Variants in TG observed in about 807,000 individuals in gnomAD.
TG encodes the protein thyroid hormones.
In TG, 270 loss-of-function variants were observed where a neutral mutation model predicts 324.7. The ratio of observed to expected loss-of-function variants is 0.83; its 90% CI spans 0.75 to 0.92. The LOEUF (loss-of-function observed/expected upper bound fraction) is 0.92, where lower values mean the gene tolerates loss of function less well. TG is among the 40% of genes least tolerant of loss of function. The pLI is 0.00. For missense variants in TG, 3,591 were observed against 3,456.4 expected (o/e 1.04, Z -0.98); for synonymous variants, 1,401 against 1,327.0 (o/e 1.06, Z -1.21).
At chr8:133,083,616 A>G (rs1252203208) in intron 41 of TG, among the ~76,000 whole-genome samples, 4 of 152,206 alleles carry the variant, frequency 2.6e-5, no homozygotes, top group Admixed American at 6.5e-5. Flanking sequence ...AATGAAGCCA[A>G]TTATCAAGTT....
Position 132,988,597 on chromosome 8 carries a change from C to T in TG, c.6262+5185C>T, listed in dbSNP as rs189498647. On this transcript the variant is annotated intron_variant, in intron 35 of 47. Coordinates refer to ENST00000220616, the MANE Select transcript of TG (RefSeq NM_003235.5). ...GAGAAAGTGAGGACAATTATATCAA[C>T]GGTGTATAGTGTATAGTTGTACTCT... 129 of 511,450 alleles carry T rather than the reference C, an allele frequency of 2.5e-4. 1 individual carries two copies. Among genetic ancestry groups the T allele is most frequent in the African/African-American group, 6.2e-4 (30 of 48,120 alleles). The allele number at this position is 511,450 out of a possible 1,614,324, so 31.7% of individuals were successfully genotyped here. A position where few individuals can be genotyped will look rare whatever the true frequency, so the allele number is the denominator to read the frequency against.
intron 35 of TG, among the ~76,000 whole-genome samples, chr8:132,996,513 A>G (rs1384942707): frequency 1.3e-5 from 2 of 151,394 alleles, no homozygotes; most frequent in African/African-American, 4.9e-5. Flanking sequence ...AATGCAAACT[A>G]CAACTACATT....
intron 20 of TG, among the ~76,000 whole-genome samples, chr8:132,917,748 G>A (rs1820550211): frequency 6.6e-6 from 1 of 152,070 alleles, no homozygotes; most frequent in Non-Finnish European, 1.5e-5. Context: ...CAGAAATGCG[G>A]CTGTCAATGT....
At position 133,054,584 on chromosome 8, in the gene TG, G is replaced by A. The variant is rs777234822; in HGVS notation, c.7239+24561G>A. On this transcript the variant is annotated intron_variant, in intron 41 of 47. Transcript: ENST00000220616. Reference sequence around the variant, plus strand: ...AGCTAATATTATTTTCATGGAGAGCGGGGTCACCAGACCATAACTCAAGAC... The same window carrying A: ...AGCTAATATTATTTTCATGGAGAGCAGGGTCACCAGACCATAACTCAAGAC... 1.1e-4 allele frequency among the ~76,000 whole-genome samples: 16 copies of A among 152,086 alleles called. 1 individual carries two copies. Among genetic ancestry groups the A allele is most frequent in the Middle Eastern group, 6.3e-3 (2 of 316 alleles).
At chr8:133,133,017 G>A (rs895663393) in intron 46 of TG, among the ~76,000 whole-genome samples, 1 of 152,196 alleles carries the variant, frequency 6.6e-6, no homozygotes, top group African/African-American at 2.4e-5. Context: ...CAGCAAGTTT[G>A]GGAAGGAGCC....
intron 10 of TG, among the ~76,000 whole-genome samples, chr8:132,889,943 A>G (rs929181622): frequency 6.7e-6 from 1 of 148,732 alleles, no homozygotes; most frequent in African/African-American, 2.5e-5. Context: ...CACCCAGCTA[A>G]TTTTTTTTTT....
chr8:132,916,044 T>G (rs1182771382), intron 20 of TG, among the ~76,000 whole-genome samples: 1 of 152,144 alleles, frequency 6.6e-6, no homozygotes, highest in Non-Finnish European at 1.5e-5. Context: ...TGTTATTAAT[T>G]CCATCTTATG....
At position 132,923,473 on chromosome 8, in the gene TG, A is replaced by C; in HGVS notation, c.4664A>C (p.Glu1555Ala). ...GAGGGGCGGAGGCTGCCATGGTGGG[A>C]AACAGAGGCCCCTCTTGAGGACTCA... The part of the protein sequence containing the change: ...DGEGRRLPWW[E>A]TEAPLEDSQC... The change falls in exon 22 of 48, where the codon GAA becomes GCA. Residue 1555 changes from glutamate to alanine, a missense_variant. Physicochemically the swap from Glu to Ala is moderately radical, Grantham distance 107. Coordinates refer to ENST00000220616, the MANE Select transcript of TG (RefSeq NM_003235.5). 6.2e-7 allele frequency: 1 copy of C among 1,613,966 alleles called. No individual in the cohort carries two copies. The highest frequency in any genetic ancestry group is 8.5e-7 in the Non-Finnish European group (1 of 1,179,928).
At position 133,019,689 on chromosome 8, in the gene TG, G is replaced by A; in HGVS notation, c.6870G>A (p.Gln2290=). Residue 2290 remains glutamine (Q), a synonymous_variant, in exon 39 of 48, where the codon CAG becomes CAA. Transcript: ENST00000220616. ...TGTATCTCAATGTGTTCATCCCTCA[G>A]AATGTGGTGAGTTCAAAAGCACTTG... The part of the protein sequence containing the change: ...DCLYLNVFIP[Q]NVAPNASVLV... 1.2e-6 allele frequency: 2 copies of A among 1,612,836 alleles called. No individual in the cohort carries two copies. Among genetic ancestry groups the A allele is most frequent in the Non-Finnish European group, 1.7e-6 (2 of 1,179,224 alleles).
chr8:132,882,711 A>C (rs1037467288), intron 7 of TG, 99 bp downstream of exon 7: 23 of 1,611,548 alleles, frequency 1.4e-5, no homozygotes, highest in Non-Finnish European at 2.0e-5. Context: ...CACCAAAGTG[A>C]GGGCAGAGAT....
chr8:133,035,977 C>T (rs931705412), intron 41 of TG, among the ~76,000 whole-genome samples: 2 of 152,180 alleles, frequency 1.3e-5, no homozygotes, highest in African/African-American at 4.8e-5. Context: ...CAGGACCTTC[C>T]TGATACCTCC....
chr8:133,118,260 G>A (rs1850857704), intron 45 of TG, among the ~76,000 whole-genome samples: 1 of 150,820 alleles, frequency 6.6e-6, no homozygotes, highest in Non-Finnish European at 1.5e-5. Flanking sequence ...GGGAAAGAAA[G>A]GGCATTCTCA....
intron 41 of TG, among the ~76,000 whole-genome samples, chr8:133,080,124 T>C (rs1845522985): frequency 6.6e-6 from 1 of 152,008 alleles, no homozygotes; most frequent in Non-Finnish European, 1.5e-5. Flanking sequence ...ACATTTGAAA[T>C]GAGTCCAGAG....
intron 5 of TG, among the ~76,000 whole-genome samples, chr8:132,880,956 T>C (rs1411864503): frequency 6.6e-6 from 1 of 152,232 alleles, no homozygotes; most frequent in South Asian, 2.1e-4. Flanking sequence ...TGCACAGCAA[T>C]TGGCCTATCA....
intron 41 of TG, among the ~76,000 whole-genome samples, chr8:133,080,773 A>G (rs779410116): frequency 4.6e-5 from 7 of 152,060 alleles, no homozygotes; most frequent in Non-Finnish European, 1.0e-4. Flanking sequence ...CCTCTTCCTC[A>G]TGCACTTCAC....
chr8:132,956,958 C>T (rs147478307), intron 27 of TG, among the ~76,000 whole-genome samples: 14 of 152,094 alleles, frequency 9.2e-5, no homozygotes, highest in African/African-American at 3.4e-4. Context: ...AAGGACGACC[C>T]AAGAGGAAGA....
intron 43 of TG, chr8:133,102,394 A>G (rs1386695212): frequency 4.9e-6 from 3 of 606,308 alleles, no homozygotes; most frequent in African/African-American, 3.7e-5. Context: ...CCCTGGAGCT[A>G]CTCACCACCA....
chr8:132,871,702 T>C (rs1839497851), intron 4 of TG, 151 bp downstream of exon 4: 2 of 721,310 alleles, frequency 2.8e-6, no homozygotes, highest in Non-Finnish European at 4.5e-6. Flanking sequence ...GAAGGTTTTA[T>C]TATTCTCATA....
intron 47 of TG, among the ~76,000 whole-genome samples, chr8:133,134,464 G>T (rs537446570): frequency 3.9e-5 from 6 of 152,318 alleles, no homozygotes; most frequent in Admixed American, 1.3e-4. Flanking sequence ...GTGTCTGTCT[G>T]CTGACAACAA....
Sources: gnomAD v4.1 joint callset for allele counts (sites outside exome capture counted in the v4.1 genomes callset) on GRCh38, gnomAD v4.1.1 for gene constraint, MANE v1.5 for transcripts, NCBI Gene and HGNC (gene_info 2026-07-23, HGNC 2026-07-21) for gene names.